SH2D4B: variants seen among roughly 807,000 people sequenced by gnomAD.
SH2D4B encodes SH2 domain containing 4B, also known as SH2 domain-containing protein 4B.
In SH2D4B, 45 loss-of-function variants were observed where a neutral mutation model predicts 61.5. The ratio of observed to expected loss-of-function variants is 0.73; its 90% confidence interval spans 0.58 to 0.94. The LOEUF is 0.94. Among genes scored for constraint, SH2D4B ranks in the 40% least tolerant of loss-of-function variants. SH2D4B has a pLI of 0.00. For missense variants in SH2D4B, 572 were observed against 574.2 expected (o/e 1.00, Z 0.04); for synonymous variants, 224 against 220.4 (o/e 1.02, Z -0.14).
intron 3 of SH2D4B, among the ~76,000 whole-genome samples, chr10:80,587,066 C>T (rs1289516466): frequency 1.3e-5 from 2 of 151,280 alleles, no homozygotes; most frequent in Admixed American, 6.6e-5. Context: ...GTAACACTCA[C>T]CTCGAGGGTC....
intron 1 of SH2D4B, among the ~76,000 whole-genome samples, chr10:80,552,105 A>G (rs1415585785): frequency 1.3e-5 from 2 of 152,204 alleles, no homozygotes; most frequent in Non-Finnish European, 2.9e-5. Context: ...TCCAAAGGCC[A>G]TACCTCCTAA....
chr10:80,642,697 C>T (rs1013837010), intron 7 of SH2D4B, among the ~76,000 whole-genome samples: 6 of 152,110 alleles, frequency 3.9e-5, no homozygotes, highest in African/African-American at 1.4e-4. Context: ...ATCTGGCTTC[C>T]GATTTTTCAT....
chr10:80,585,614 C>T (rs1842236268), intron 3 of SH2D4B, among the ~76,000 whole-genome samples: 1 of 152,192 alleles, frequency 6.6e-6, no homozygotes, highest in Non-Finnish European at 1.5e-5. Flanking sequence ...CGCGCCCAGC[C>T]AGGATGGCAG....
intron 6 of SH2D4B, among the ~76,000 whole-genome samples, chr10:80,612,894 A>G (rs192965582): frequency 5.1e-4 from 78 of 152,304 alleles, no homozygotes; most frequent in Admixed American, 1.4e-3. Context: ...CCATTCTAGA[A>G]CTTAGCGGCT....
At chr10:80,604,934 T>C (rs55897932) in intron 5 of SH2D4B, among the ~76,000 whole-genome samples, 4,345 of 152,124 alleles carry the variant, frequency 0.029, 209 homozygotes, top group African/African-American at 0.099. Context: ...GCTGGGACTA[T>C]AGGTGCCCGC....
At position 80,604,864 on chromosome 10, in the gene SH2D4B, G is replaced by A. The variant is rs1047255897; in HGVS notation, c.860+1069G>A. Among the ~76,000 whole-genome samples the A allele has an allele frequency of 3.3e-5, 5 of 151,484 alleles. No individual in the cohort carries two copies. In the South Asian group the frequency reaches 1.0e-3, roughly 31 times the overall value. ...GCTGGAGTGCAGTGGCGTGATCTCA[G>A]CCCACTGCAAGCTCCGCCTTCCAGA... On this transcript the variant is annotated intron_variant, in intron 5 of 7. Transcript: ENST00000646907.
chr10:80,550,510 C>A (rs1371666505), intron 1 of SH2D4B, among the ~76,000 whole-genome samples: 2 of 152,060 alleles, frequency 1.3e-5, no homozygotes, highest in Non-Finnish European at 1.5e-5. Context: ...AGGAGAATGG[C>A]GTGAACCCAG....
intron 3 of SH2D4B, among the ~76,000 whole-genome samples, chr10:80,580,034 A>C (rs1359860538): frequency 1.3e-5 from 2 of 152,188 alleles, no homozygotes; most frequent in Non-Finnish European, 2.9e-5. Context: ...CTGGCAATGG[A>C]GGAATGAACA....
intron 5 of SH2D4B, among the ~76,000 whole-genome samples, chr10:80,605,701 T>A (rs1842511071): frequency 1.3e-5 from 2 of 152,150 alleles, no homozygotes; most frequent in African/African-American, 4.8e-5. Context: ...GTATTTTTAG[T>A]AGAGACAGAG....
intron 1 of SH2D4B, among the ~76,000 whole-genome samples, chr10:80,543,312 G>T (rs1841610235): frequency 6.6e-6 from 1 of 152,264 alleles, no homozygotes; most frequent in South Asian, 2.1e-4. Context: ...GTTCCGGGGG[G>T]CGTGGGCTGG....
chr10:80,578,793 G>A (rs1257318135), intron 3 of SH2D4B, among the ~76,000 whole-genome samples: 1 of 152,188 alleles, frequency 6.6e-6, no homozygotes, highest in Non-Finnish European at 1.5e-5. Flanking sequence ...GACTAGTTAG[G>A]AGATTTTTGC....
chr10:80,580,418 G>T (rs1842174509), intron 3 of SH2D4B, among the ~76,000 whole-genome samples: 1 of 152,200 alleles, frequency 6.6e-6, no homozygotes. Flanking sequence ...CTACTCTGTG[G>T]TCGGTGGTCT....
intron 1 of SH2D4B, among the ~76,000 whole-genome samples, chr10:80,553,801 C>A (rs1446507364): frequency 6.6e-6 from 1 of 152,186 alleles, no homozygotes; most frequent in Non-Finnish European, 1.5e-5. Context: ...GCCCCTGTGC[C>A]CACAGAGTGC....
At chr10:80,557,616 A>G (rs56273388) in intron 1 of SH2D4B, among the ~76,000 whole-genome samples, 40 of 152,024 alleles carry the variant, frequency 2.6e-4, no homozygotes, top group African/African-American at 9.4e-4. Context: ...TAATTTGCTT[A>G]TTTTATCTAA....
rs143681594 is a variant in SH2D4B at position 80,579,490 on chromosome 10, T to G, written c.495+7912T>G. ...TAAAATTGCTTCTGGACATTTCTCC[T>G]TCTGTTCAAGACCACAGAACACGGC... On this transcript the variant is annotated intron_variant, in intron 3 of 7. Transcript: ENST00000646907. 4.0e-3 allele frequency among the ~76,000 whole-genome samples: 608 copies of G among 152,250 alleles called. 2 individuals are homozygous for G. Among genetic ancestry groups the G allele is most frequent in the African/African-American group, 0.014 (589 of 41,542 alleles).
At chr10:80,627,083 G>GC (rs1455895352) in intron 6 of SH2D4B, among the ~76,000 whole-genome samples, 1 of 152,158 alleles carries the variant, frequency 6.6e-6, no homozygotes, top group Non-Finnish European at 1.5e-5. Context: ...TCTCACAGGA[G>GC]CCTGAGTGTG....
In SH2D4B at chr10:80,594,275, G is replaced by A. The variant is rs375786091; in HGVS notation, c.643+5498G>A. On this transcript the variant is annotated intron_variant, in intron 4 of 7. Coordinates refer to ENST00000646907, the MANE Select transcript of SH2D4B (RefSeq NM_001388272.1). ...GTTTTTTGTTCTTTATTCTATTAAC[G>A]TGGTGCATTCCATGGCTGAGTTTCA... Among the ~76,000 whole-genome samples the A allele has an allele frequency of 3.3e-5, 5 of 152,120 alleles. No individual in the cohort carries two copies. In the East Asian group the frequency reaches 7.7e-4, roughly 23 times the overall value.
chr10:80,559,305 CAT>C (rs1841875025), intron 1 of SH2D4B, among the ~76,000 whole-genome samples: 1 of 152,014 alleles, frequency 6.6e-6, no homozygotes, highest in Non-Finnish European at 1.5e-5. Context: ...TAAAATTTCT[CAT>C]TATAAAACAT....
intron 3 of SH2D4B, among the ~76,000 whole-genome samples, chr10:80,580,942 C>T (rs1170169163): frequency 2.6e-5 from 4 of 152,264 alleles, no homozygotes; most frequent in Admixed American, 6.5e-5. Context: ...GCTTTTCTTT[C>T]AGTGGTATTA....
Sources: allele counts gnomAD v4.1 joint callset (sites outside exome capture counted in the v4.1 genomes callset), GRCh38; gene constraint gnomAD v4.1.1; transcripts MANE v1.5; gene names NCBI Gene and HGNC (gene_info 2026-07-23, HGNC 2026-07-21).